PPIP5K2: variants seen among roughly 807,000 people sequenced by gnomAD.
The protein encoded by PPIP5K2 is inositol hexakisphosphate and diphosphoinositol-pentakisphosphate kinase 2.
PPIP5K2 carries 105 observed loss-of-function variants against 154.6 expected under a neutral mutation model. The ratio of observed to expected loss-of-function variants is 0.68; its 90% confidence interval spans 0.58 to 0.80. The LOEUF (loss-of-function observed/expected upper bound fraction) is 0.80, where lower values mean the gene tolerates loss of function less well. PPIP5K2 is among the 30% of genes least tolerant of loss of function. PPIP5K2 has a pLI of 0.00. For missense variants in PPIP5K2, 992 were observed against 1,504.6 expected (o/e 0.66, Z 5.64); for synonymous variants, 480 against 490.3 (o/e 0.98, Z 0.28).
At position 103,173,281 on chromosome 5, in the gene PPIP5K2, G is replaced by T. The variant is rs782207704; in HGVS notation, c.2413G>T (p.Val805Leu). Residue 805 changes from valine to leucine, a missense_variant and splice_region_variant, in exon 20 of 31, where the codon GTG becomes TTG. Coordinates refer to ENST00000358359, the MANE Select transcript of PPIP5K2 (RefSeq NM_001276277.3). ...DDDTVNKLHP[V>L]YSRGVLSPER... ...TGACACTGTAAATAAACTTCATCCT[G>T]TGTAAGAAACTGTACTGGTTATTTA... is the stretch of plus-strand genomic sequence containing the variant. The T allele has an allele frequency of 5.6e-6, 9 of 1,605,876 alleles. No homozygotes were observed. The South Asian group carries it at 1.0e-4, about 18-fold the overall frequency.
rs1554214788 is a variant in PPIP5K2 at position 103,159,169 on chromosome 5, G to A, written c.1761G>A (p.Glu587=). 6.2e-7 allele frequency: 1 copy of A among 1,602,946 alleles called. No homozygotes were observed. The highest frequency in any genetic ancestry group is 8.5e-7 in the Non-Finnish European group (1 of 1,173,516). ...FAKGLLALEG[E]LTPILVQMVK... ...AGGGGCTTTTAGCTTTGGAAGGAGAGCTTACACCCATTCTTGTTCAAATGG... is the reference window on the plus strand; with the variant it reads ...AGGGGCTTTTAGCTTTGGAAGGAGAACTTACACCCATTCTTGTTCAAATGG... The change falls in exon 17 of 31, where the codon GAG becomes GAA. Residue 587 remains glutamate, a synonymous_variant. Transcript: ENST00000358359.
intron 4 of PPIP5K2, 106 bp downstream of exon 4, chr5:103,136,928 T>A (rs1251796188): frequency 2.6e-6 from 2 of 781,306 alleles, no homozygotes; most frequent in Non-Finnish European, 2.2e-6. Flanking sequence ...TAATTCATTG[T>A]ACTTTCAAAA....
rs1803498134 is a variant in PPIP5K2, at chr5:103,206,051, TG to T, written c.*4418del. On this transcript the variant is annotated 3_prime_UTR_variant, in exon 31 of 31. Coordinates refer to ENST00000358359, the MANE Select transcript of PPIP5K2 (RefSeq NM_001276277.3). Reference sequence around the variant, plus strand: ...TTTAGATTGTGCTTGCTTTTTTTATTGCTTTAAAATTCTTTTGTCTTTCTGT... The same window carrying T: ...TTTAGATTGTGCTTGCTTTTTTTATTCTTTAAAATTCTTTTGTCTTTCTGT... 1 of 152,228 alleles carries T rather than the reference TG, an allele frequency of 6.6e-6. No individual in the cohort carries two copies. Among genetic ancestry groups the T allele is most frequent in the African/African-American group, 2.4e-5 (1 of 41,470 alleles). 9.4% of individuals were successfully genotyped at this position (152,228 alleles called of 1,614,324 possible). A position where few individuals can be genotyped will look rare whatever the true frequency, so the allele number is the denominator to read the frequency against.
Position 103,194,889 on chromosome 5 carries a change from T to A in PPIP5K2, c.3494-11T>A. The A allele has an allele frequency of 6.3e-7, 1 of 1,587,204 alleles. No individual in the cohort carries two copies. The highest frequency in any genetic ancestry group is 1.4e-5 in the African/African-American group (1 of 73,322). On this transcript the variant is annotated splice_polypyrimidine_tract_variant and intron_variant, in intron 29 of 30. Coordinates refer to ENST00000358359, the MANE Select transcript of PPIP5K2 (RefSeq NM_001276277.3). ...ATTATTAAATTAACATGTTTGTTTA[T>A]TTTTTTTCAGCCTCTACAGCTTTAC...
chr5:103,187,255 T>G (rs1554225455), intron 27 of PPIP5K2, 59 bp from the exon 28 acceptor site: 1 of 1,324,500 alleles, frequency 7.6e-7, no homozygotes, highest in Non-Finnish European at 1.0e-6. Context: ...CCCTCTTTCT[T>G]TTAAGTGTTC....
In PPIP5K2 at chr5:103,173,953, G is replaced by A. The variant is rs548137246; in HGVS notation, c.2510G>A (p.Arg837His). The A allele has an allele frequency of 1.2e-4, 184 of 1,593,222 alleles. 2 individuals are homozygous for A. The highest frequency in any genetic ancestry group is 7.0e-4 in the South Asian group (63 of 90,338). Residue 837 changes from arginine to histidine, a missense_variant, in exon 21 of 31, where the codon CGC (arginine) becomes CAC (histidine). Arg to His is a conservative substitution (Grantham distance 29). Around this residue, in one of 9 missense-constraint regions of PPIP5K2, gnomAD observed 157 missense variants for 281.2 expected, o/e 0.56. Coordinates refer to ENST00000358359, the MANE Select transcript of PPIP5K2 (RefSeq NM_001276277.3). ...GTACATTCTTTGCTGTCTATTCTTC[G>A]CTATGGTGCCTTATGCAATGTAAGT... The part of the protein sequence containing the change: ...SHVHSLLSIL[R>H]YGALCNESKD...
At position 103,207,476 on chromosome 5, in the gene PPIP5K2, A is replaced by G. The variant is rs1803580805; in HGVS notation, c.*5842A>G. 6.6e-6 allele frequency: 1 copy of G among 152,192 alleles called. No homozygotes were observed. The highest frequency in any genetic ancestry group is 2.4e-5 in the African/African-American group (1 of 41,452). The allele number at this position is 152,192 out of a possible 1,614,324, so 9.4% of individuals were successfully genotyped here. A position where few individuals can be genotyped will look rare whatever the true frequency, so the allele number is the denominator to read the frequency against. ...ACATAATCAGCAATGTATGCTGTATACTACACTTGCATTATGTTATTCACA... is the reference window on the plus strand; with the variant it reads ...ACATAATCAGCAATGTATGCTGTATGCTACACTTGCATTATGTTATTCACA... On this transcript the variant is annotated 3_prime_UTR_variant, in exon 31 of 31. Coordinates refer to ENST00000358359, the MANE Select transcript of PPIP5K2 (RefSeq NM_001276277.3).
chr5:103,203,334 T>C lies in PPIP5K2; in HGVS notation c.*1700T>C, dbSNP rs180903482. On this transcript the variant is annotated 3_prime_UTR_variant, in exon 31 of 31. Transcript: ENST00000358359. ...ATTAAATAAAATTTATTATTGGCTA[T>C]ATACATAGCAATATATTACTTTCCA... The C allele has an allele frequency of 4.2e-4, 64 of 152,308 alleles. No homozygotes were observed. The highest frequency in any genetic ancestry group is 1.5e-3 in the African/African-American group (63 of 41,576). 9.4% of individuals were successfully genotyped at this position (152,308 alleles called of 1,614,324 possible).
chr5:103,120,734 C>G, intron 1 of PPIP5K2: 1 of 319,746 alleles, frequency 3.1e-6, no homozygotes, highest in Non-Finnish European at 6.4e-6. Flanking sequence ...TTCTTGGGTT[C>G]GAGACGCCAG....
At chr5:103,168,700 G>C (rs76344125) in intron 19 of PPIP5K2, among the ~76,000 whole-genome samples, 7,741 of 151,740 alleles carry the variant, frequency 0.051, 495 homozygotes, top group African/African-American at 0.16. Flanking sequence ...AGTCCATAGT[G>C]CATTAGGGTT....
At chr5:103,178,041 T>C in intron 23 of PPIP5K2, 61 bp downstream of exon 23, 2 of 1,053,816 alleles carry the variant, frequency 1.9e-6, no homozygotes, top group South Asian at 1.4e-5. Flanking sequence ...ATGAGGTTTC[T>C]ATAAGAGATT....
chr5:103,151,142 G>C lies in PPIP5K2; in HGVS notation c.907-111G>C. Reference sequence around the variant, plus strand: ...TTATTATGAAGTAAACCACTATATAGTAATATACTTTTAAGCATTTATAAA... The same window carrying C: ...TTATTATGAAGTAAACCACTATATACTAATATACTTTTAAGCATTTATAAA... On this transcript the variant is annotated intron_variant, in intron 8 of 30. Transcript: ENST00000358359. 2.4e-6 allele frequency: 2 copies of C among 835,824 alleles called. 1 individual carries two copies. The highest frequency in any genetic ancestry group is 3.5e-5 in the African/African-American group (2 of 57,968). 51.8% of individuals were successfully genotyped at this position (835,824 alleles called of 1,614,324 possible).
At chr5:103,189,081 C>A in intron 28 of PPIP5K2, 1 of 982,434 alleles carries the variant, frequency 1.0e-6, no homozygotes, top group Non-Finnish European at 1.5e-6. Flanking sequence ...ATGGACTTAC[C>A]CCTCCCTTCA....
chr5:103,163,173 G>A (rs1554216656), intron 17 of PPIP5K2, among the ~76,000 whole-genome samples: 1 of 137,756 alleles, frequency 7.3e-6, no homozygotes, highest in African/African-American at 2.7e-5. Flanking sequence ...TATTTAGGTT[G>A]TATGATATCT....
rs1790242020 is a variant in PPIP5K2 at position 103,129,352 on chromosome 5, C to T, written c.-238C>T. The stretch of plus-strand genomic sequence containing the variant: ...CTCAAGAAAGCAGTAACTTCACTGT[C>T]TTTGTATTTTGAATTGCAACAACAA... On this transcript the variant is annotated 5_prime_UTR_variant, in exon 2 of 31. Coordinates refer to ENST00000358359, the MANE Select transcript of PPIP5K2 (RefSeq NM_001276277.3). The T allele has an allele frequency of 3.7e-6, 1 of 271,280 alleles. No homozygotes were observed. The highest frequency in any genetic ancestry group is 2.2e-5 in the African/African-American group (1 of 45,478). 16.8% of individuals were successfully genotyped at this position (271,280 alleles called of 1,614,324 possible). A position where few individuals can be genotyped will look rare whatever the true frequency, so the allele number is the denominator to read the frequency against.
In PPIP5K2 at chr5:103,168,097, A is replaced by G. The variant is rs1268957644; in HGVS notation, c.2088A>G (p.Thr696=). The change falls in exon 19 of 31, where the codon ACA becomes ACG. Residue 696 remains threonine (T), a synonymous_variant. Transcript: ENST00000358359. ...ATATTCAGCTTTACCATAGTGAAAC[A>G]TTGGAGCTTATGCTACGTAGATGGT... ...SSDIQLYHSE[T]LELMLRRWSK... 1.2e-6 allele frequency: 2 copies of G among 1,607,638 alleles called. No individual in the cohort carries two copies. Among genetic ancestry groups the G allele is most frequent in the East Asian group, 2.2e-5 (1 of 44,600 alleles).
chr5:103,187,242 T>C (rs1800530107), intron 27 of PPIP5K2, 72 bp from the exon 28 acceptor site: 4 of 1,177,162 alleles, frequency 3.4e-6, no homozygotes, highest in African/African-American at 3.1e-5. Context: ...ATATTTGTTT[T>C]TCCCCTCTTT....
chr5:103,135,411 A>C (rs544650979), intron 3 of PPIP5K2, among the ~76,000 whole-genome samples: 39 of 152,304 alleles, frequency 2.6e-4, no homozygotes, highest in Non-Finnish European at 4.6e-4. Flanking sequence ...TTGATGGATA[A>C]AATTGGAGAC....
At chr5:103,127,551 T>A (rs1789896427) in intron 1 of PPIP5K2, among the ~76,000 whole-genome samples, 1 of 152,244 alleles carries the variant, frequency 6.6e-6, no homozygotes, top group South Asian at 2.1e-4. Context: ...AACAATTCAT[T>A]CTTTTAGATT....
Sources: gnomAD v4.1 joint callset for allele counts (sites outside exome capture counted in the v4.1 genomes callset) on GRCh38, gnomAD v4.1.1 for gene constraint, gnomAD v4.1.1 regional missense constraint, MANE v1.5 for transcripts, NCBI Gene and HGNC (gene_info 2026-07-23, HGNC 2026-07-21) for gene names.